SPIDR: variants seen among roughly 807,000 people sequenced by gnomAD.
SPIDR encodes the protein scaffold protein involved in DNA repair.
In SPIDR, 93 loss-of-function variants were observed where a neutral mutation model predicts 104.6. The ratio of observed to expected loss-of-function variants is 0.89; its 90% CI spans 0.75 to 1.06. SPIDR has a LOEUF of 1.06. Ranked by LOEUF, SPIDR falls within the 50% of genes least tolerant of loss-of-function variation. The probability of loss-of-function intolerance (pLI) is 0.00; values close to 1 mark genes in which losing one functional copy is unlikely to be tolerated. For missense variants in SPIDR, 1,154 were observed against 1,111.2 expected (o/e 1.04, Z -0.55); for synonymous variants, 431 against 416.9 (o/e 1.03, Z -0.41).
intron 10 of SPIDR, among the ~76,000 whole-genome samples, chr8:47,647,488 G>A (rs1481897465): frequency 6.6e-6 from 1 of 152,060 alleles, no homozygotes; most frequent in Non-Finnish European, 1.5e-5. Context: ...GTTGGTGCAC[G>A]CCTATAATCT....
chr8:47,483,449 C>A (rs1554728654), intron 8 of SPIDR, among the ~76,000 whole-genome samples: 1 of 152,154 alleles, frequency 6.6e-6, no homozygotes, highest in Non-Finnish European at 1.5e-5. Context: ...TGAAGAGATA[C>A]TCCCTGTAGC....
At chr8:47,380,224 C>T (rs1554644649) in intron 5 of SPIDR, among the ~76,000 whole-genome samples, 1 of 152,242 alleles carries the variant, frequency 6.6e-6, no homozygotes. Context: ...CCTGCCTGGG[C>T]CTGGCAGAAG....
At chr8:47,714,114 T>A (rs1206218561) in intron 16 of SPIDR, among the ~76,000 whole-genome samples, 7 of 151,972 alleles carry the variant, frequency 4.6e-5, no homozygotes, top group Non-Finnish European at 8.8e-5. Context: ...AAGCTGAGGC[T>A]GGTGGGCCCA....
intron 5 of SPIDR, among the ~76,000 whole-genome samples, chr8:47,322,213 T>G (rs1350952296): frequency 1.3e-5 from 2 of 152,132 alleles, no homozygotes; most frequent in Non-Finnish European, 2.9e-5. Flanking sequence ...AGGGCTAATA[T>G]CCAGAATCTA....
chr8:47,351,223 A>T lies in SPIDR; in HGVS notation c.526-45153A>T, dbSNP rs117141071. On this transcript the variant is annotated intron_variant, in intron 5 of 19. Coordinates refer to ENST00000297423, the MANE Select transcript of SPIDR (RefSeq NM_001080394.4). ...TCTGATTTATAAATTAAGCTTCATC[A>T]TAGGCATGTATTCATGGGAAAATCT... Among the ~76,000 whole-genome samples, 1,139 of 152,330 alleles carry T rather than the reference A, an allele frequency of 7.5e-3. 16 individuals are homozygous for T. The highest frequency in any genetic ancestry group is 0.025 in the Admixed American group (379 of 15,304).
chr8:47,454,281 G>A (rs2072499403), intron 8 of SPIDR, among the ~76,000 whole-genome samples: 1 of 152,122 alleles, frequency 6.6e-6, no homozygotes, highest in Admixed American at 6.6e-5. Context: ...TACACACCAT[G>A]GAATACCATG....
At chr8:47,574,318 C>T (rs1290001303) in intron 8 of SPIDR, among the ~76,000 whole-genome samples, 1 of 152,186 alleles carries the variant, frequency 6.6e-6, no homozygotes, top group African/African-American at 2.4e-5. Context: ...TTTAGAAAAA[C>T]ACTTTTCAAT....
intron 8 of SPIDR, among the ~76,000 whole-genome samples, chr8:47,518,393 A>C (rs1332550984): frequency 6.6e-6 from 1 of 152,236 alleles, no homozygotes; most frequent in Non-Finnish European, 1.5e-5. Context: ...CTCTGTTAGA[A>C]GTGTACAAAT....
intron 7 of SPIDR, among the ~76,000 whole-genome samples, chr8:47,415,333 G>A (rs1316625366): frequency 4.6e-5 from 7 of 152,168 alleles, no homozygotes; most frequent in Non-Finnish European, 1.0e-4. Flanking sequence ...TATAACTGTA[G>A]AATGACAGGA....
intron 11 of SPIDR, among the ~76,000 whole-genome samples, chr8:47,695,486 T>C (rs1302690078): frequency 2.0e-5 from 3 of 152,156 alleles, no homozygotes; most frequent in Admixed American, 2.0e-4. Context: ...GTGGCTTAAA[T>C]CTCCTAGAGC....
intron 5 of SPIDR, among the ~76,000 whole-genome samples, chr8:47,345,953 A>G (rs1264687649): frequency 2.0e-5 from 3 of 152,104 alleles, no homozygotes; most frequent in Non-Finnish European, 4.4e-5. Flanking sequence ...AAAACCCTTT[A>G]TTTCTTTCTC....
chr8:47,354,458 A>G (rs1554624405), intron 5 of SPIDR, among the ~76,000 whole-genome samples: 1 of 152,048 alleles, frequency 6.6e-6, no homozygotes, highest in Non-Finnish European at 1.5e-5. Context: ...GTTTTGCCTG[A>G]GAATTACGCA....
chr8:47,623,167 A>G (rs1174923148), intron 10 of SPIDR, among the ~76,000 whole-genome samples: 1 of 152,124 alleles, frequency 6.6e-6, no homozygotes, highest in African/African-American at 2.4e-5. Context: ...GAAATGATTT[A>G]CCACAGACAA....
Position 47,577,075 on chromosome 8 carries a change from A to G in SPIDR, c.1098-18736A>G, listed in dbSNP as rs572843122. Among the ~76,000 whole-genome samples, 42 of 152,360 alleles carry G rather than the reference A, an allele frequency of 2.8e-4. No individual in the cohort carries two copies. In the South Asian group the frequency reaches 8.5e-3, roughly 31 times the overall value. ...ATGAGATGCTTAGGAGCCTTTGTCA[A>G]ATCAGTCAAGTGAAGAAAGATGTTC... On this transcript the variant is annotated intron_variant, in intron 8 of 19. Coordinates refer to ENST00000297423, the MANE Select transcript of SPIDR (RefSeq NM_001080394.4).
chr8:47,561,507 T>C lies in SPIDR; in HGVS notation c.1098-34304T>C, dbSNP rs1387822432. On this transcript the variant is annotated intron_variant, in intron 8 of 19. Transcript: ENST00000297423. ...TTCTCAGCCCGCTGCAGTTGATCTT[T>C]AGCTGCTACTTCTCTGCTGAGATTG... Among the ~76,000 whole-genome samples the C allele has an allele frequency of 3.3e-5, 5 of 152,372 alleles. No individual in the cohort carries two copies. The East Asian group carries it at 7.7e-4, about 24-fold the overall frequency.
chr8:47,671,323 G>A (rs1282528824), intron 10 of SPIDR, among the ~76,000 whole-genome samples: 2 of 152,026 alleles, frequency 1.3e-5, no homozygotes, highest in East Asian at 1.9e-4. Flanking sequence ...GGTGGCTCAC[G>A]CCTGTAATCC....
chr8:47,714,411 G>A (rs1397365503), intron 16 of SPIDR, among the ~76,000 whole-genome samples: 1 of 152,132 alleles, frequency 6.6e-6, no homozygotes, highest in East Asian at 1.9e-4. Flanking sequence ...CAGTTCTGTC[G>A]GGAGAGTTTG....
chr8:47,365,975 A>G (rs1053900497), intron 5 of SPIDR, among the ~76,000 whole-genome samples: 45 of 147,240 alleles, frequency 3.1e-4, no homozygotes, highest in African/African-American at 1.2e-3. Flanking sequence ...TACATGCACA[A>G]GCACACACAC....
At chr8:47,526,666 A>G (rs1265641200) in intron 8 of SPIDR, among the ~76,000 whole-genome samples, 1 of 152,128 alleles carries the variant, frequency 6.6e-6, no homozygotes, top group African/African-American at 2.4e-5. Context: ...GCAACTGAAC[A>G]TCCAGGAACT....
Sources: allele counts gnomAD v4.1 joint callset (sites outside exome capture counted in the v4.1 genomes callset), GRCh38; gene constraint gnomAD v4.1.1; transcripts MANE v1.5; gene names NCBI Gene and HGNC (gene_info 2026-07-23, HGNC 2026-07-21).